Variants in BCL2L11 observed in about 807,000 individuals in gnomAD.
BCL2L11 encodes BCL2 like 11.
BCL2L11 carries 15 observed loss-of-function variants against 20.6 expected under a neutral mutation model. The observed-to-expected ratio is 0.73, with a 90% confidence interval of 0.49 to 1.12. BCL2L11 has a LOEUF of 1.12. Ranked by LOEUF, BCL2L11 falls within the 50% of genes most tolerant of loss-of-function variation. The pLI, the probability that BCL2L11 is intolerant of heterozygous loss-of-function variation, is 0.00. For missense variants in BCL2L11, 292 were observed against 260.9 expected, an observed-to-expected ratio of 1.12 and a Z score of -0.82; for synonymous variants, 108 against 92.8, an observed-to-expected ratio of 1.16 and a Z score of -0.94.
At position 111,163,073 on chromosome 2, in the gene BCL2L11, G is replaced by A. The variant is rs182996422; in HGVS notation, c.499-1060G>A. 761 of 152,590 alleles carry A rather than the reference G, an allele frequency of 5.0e-3. 6 individuals are homozygous for A. Among genetic ancestry groups the A allele is most frequent in the Admixed American group, 7.4e-3 (113 of 15,300 alleles). The allele number at this position is 152,590 out of a possible 1,614,324, so 9.5% of individuals were successfully genotyped here. ...CAATCCCATTCTGTCAAACAAGCGC[G>A]GCAGAGCTTGTGTAAACAGTGGAGC... On this transcript the variant is annotated intron_variant, in intron 3 of 3. Coordinates refer to ENST00000393256, the MANE Select transcript of BCL2L11 (RefSeq NM_138621.5).
At chr2:111,134,826 C>G (rs917225857) in intron 2 of BCL2L11, among the ~76,000 whole-genome samples, 1 of 152,222 alleles carries the variant, frequency 6.6e-6, no homozygotes, top group South Asian at 2.1e-4. Flanking sequence ...ACTTGGAAAA[C>G]ATGCCACTTT....
intron 3 of BCL2L11, 42 bp downstream of exon 3, chr2:111,150,189 C>T (rs771499991): frequency 6.3e-7 from 1 of 1,597,886 alleles, no homozygotes. Flanking sequence ...TCACACCCTC[C>T]CCTTCCACAC....
rs376019476 is a variant in BCL2L11 at position 111,123,933 on chromosome 2, C to T, written c.188C>T (p.Pro63Leu). ...TGCCCCCACGGCAGCCCTCAGGGCCCGCTGGCCCCACCTGCCAGCCCTGGC... is the reference window on the plus strand; with the variant it reads ...TGCCCCCACGGCAGCCCTCAGGGCCTGCTGGCCCCACCTGCCAGCCCTGGC... ...DSCPHGSPQG[P>L]LAPPASPGPF... is the part of the protein sequence containing the mutation. The change falls in exon 2 of 4, where the codon CCG becomes CTG. Residue 63 changes from proline (P) to leucine (L), a missense_variant. Transcript: ENST00000393256. 5 of 1,614,000 alleles carry T rather than the reference C, an allele frequency of 3.1e-6. No homozygotes were observed. The highest frequency in any genetic ancestry group is 4.2e-6 in the Non-Finnish European group (5 of 1,179,914).
intron 2 of BCL2L11, chr2:111,144,554 C>G (rs1559057894): frequency 6.5e-7 from 1 of 1,546,232 alleles, no homozygotes; most frequent in Non-Finnish European, 8.7e-7. Context: ...GGGGGCTGGT[C>G]TGTTGCTTCC....
At position 111,124,154 on chromosome 2, in the gene BCL2L11, G is replaced by C. The variant is rs1186092745; in HGVS notation, c.394+15G>C. ...CAGTGCAATGGGTAAGCAATGCCTG[G>C]GTAAGAGGCAGTTGACGTGTGGATG... On this transcript the variant is annotated intron_variant, in intron 2 of 3. Coordinates refer to ENST00000393256, the MANE Select transcript of BCL2L11 (RefSeq NM_138621.5). 1 of 1,586,324 alleles carries C rather than the reference G, an allele frequency of 6.3e-7. No individual in the cohort carries two copies. Among genetic ancestry groups the C allele is most frequent in the Admixed American group, 1.8e-5 (1 of 56,810 alleles).
chr2:111,122,035 C>T (rs982038988), intron 1 of BCL2L11, among the ~76,000 whole-genome samples: 1 of 152,196 alleles, frequency 6.6e-6, no homozygotes, highest in Non-Finnish European at 1.5e-5. Flanking sequence ...GTGGAGGGCC[C>T]GACGGACGCC....
At chr2:111,150,412 A>G (rs2077110051) in intron 3 of BCL2L11, 4 of 517,102 alleles carry the variant, frequency 7.7e-6, no homozygotes, top group Admixed American at 3.5e-5. Flanking sequence ...AAAAGGGATT[A>G]TTTATAGACT....
intron 2 of BCL2L11, among the ~76,000 whole-genome samples, chr2:111,147,346 TCACACACACACACACA>T (rs70962921): frequency 0.041 from 5,583 of 137,376 alleles, 159 homozygotes; most frequent in Non-Finnish European, 0.058. Context: ...TCTCTCTCTC[TCACACACACACACACA>T]CACACACACA....
chr2:111,149,798 C>G (rs1353379422), intron 2 of BCL2L11, among the ~76,000 whole-genome samples: 1 of 152,180 alleles, frequency 6.6e-6, no homozygotes. Flanking sequence ...TCAGTTCTTG[C>G]AATTCTGAAT....
chr2:111,138,048 A>G (rs1326016008), intron 2 of BCL2L11, among the ~76,000 whole-genome samples: 1 of 134,278 alleles, frequency 7.4e-6, no homozygotes, highest in Non-Finnish European at 1.5e-5. Context: ...TCTTACTGTC[A>G]CCCAGGCTGG....
At chr2:111,162,177 G>C (rs2078643629) in intron 3 of BCL2L11, among the ~76,000 whole-genome samples, 1 of 152,190 alleles carries the variant, frequency 6.6e-6, no homozygotes, top group Non-Finnish European at 1.5e-5. Flanking sequence ...GCTGTCAAAT[G>C]CTTTCTGGGC....
chr2:111,154,568 C>G (rs1354621905), intron 3 of BCL2L11, among the ~76,000 whole-genome samples: 6 of 152,152 alleles, frequency 3.9e-5, no homozygotes, highest in Non-Finnish European at 7.4e-5. Flanking sequence ...TGATGAGACT[C>G]AGGTTTTGCA....
chr2:111,163,990 C>T (rs2078889496), intron 3 of BCL2L11, 143 bp from the exon 4 acceptor site: 8 of 590,868 alleles, frequency 1.4e-5, no homozygotes, highest in South Asian at 1.0e-4. Flanking sequence ...TGGGAGGCAT[C>T]GTGCTTTGTG....
At chr2:111,158,458 G>T (rs1192404784) in intron 3 of BCL2L11, among the ~76,000 whole-genome samples, 1 of 152,060 alleles carries the variant, frequency 6.6e-6, no homozygotes, top group East Asian at 1.9e-4. Flanking sequence ...TGCTTCCTCA[G>T]TTGCCTGAGC....
intron 2 of BCL2L11, among the ~76,000 whole-genome samples, chr2:111,130,920 C>G (rs1486606218): frequency 6.6e-6 from 1 of 152,050 alleles, no homozygotes; most frequent in Non-Finnish European, 1.5e-5. Context: ...CATTGATTTG[C>G]AATGTTAAGT....
intron 2 of BCL2L11, among the ~76,000 whole-genome samples, chr2:111,128,034 G>A (rs375878963): frequency 6.6e-6 from 1 of 151,786 alleles, no homozygotes; most frequent in Admixed American, 6.6e-5. Context: ...TTTGTTGTGC[G>A]GCCAATCTCC....
At chr2:111,129,983 G>T in intron 2 of BCL2L11, 1 of 277,132 alleles carries the variant, frequency 3.6e-6, no homozygotes, top group Admixed American at 5.1e-5. Context: ...TTCCATAGAT[G>T]ATGCACCACA....
intron 1 of BCL2L11, 67 bp from the exon 2 acceptor site, chr2:111,123,666 G>A: frequency 7.5e-7 from 1 of 1,338,534 alleles, no homozygotes; most frequent in Non-Finnish European, 9.7e-7. Flanking sequence ...CTAGGTGAGA[G>A]CTAATTTGTT....
At position 111,121,150 on chromosome 2, in the gene BCL2L11, C is replaced by G. The variant is rs577206298; in HGVS notation, c.-52C>G. 9.1e-4 allele frequency: 237 copies of G among 261,094 alleles called. 3 individuals are homozygous for G. Among genetic ancestry groups the G allele is most frequent in the Non-Finnish European group, 1.8e-4 (25 of 137,170 alleles). 16.2% of individuals were successfully genotyped at this position (261,094 alleles called of 1,614,324 possible). A position where few individuals can be genotyped will look rare whatever the true frequency, so the allele number is the denominator to read the frequency against. The stretch of plus-strand genomic sequence containing the variant: ...CGCCCTTTCTTGGCCCTTGTTCCCC[C>G]AAATGTCTGACTCTGACTCTCGGAC... On this transcript the variant is annotated 5_prime_UTR_variant, in exon 1 of 4. Transcript: ENST00000393256.
Sources: allele counts gnomAD v4.1 joint callset (sites outside exome capture counted in the v4.1 genomes callset), GRCh38; gene constraint gnomAD v4.1.1; transcripts MANE v1.5; gene names NCBI Gene and HGNC (gene_info 2026-07-23, HGNC 2026-07-21).